MTARC2: variants seen among roughly 807,000 people sequenced by gnomAD.
MTARC2 encodes mitochondrial amidoxime reducing component 2, also known as MOCO sulphurase C-terminal domain containing 2.
MTARC2 carries 27 observed loss-of-function variants against 35.6 expected under a neutral mutation model. The ratio of observed to expected loss-of-function variants is 0.76; its 90% CI spans 0.56 to 1.04. The LOEUF (loss-of-function observed/expected upper bound fraction) is 1.04, where lower values mean the gene tolerates loss of function less well. MTARC2 is among the 50% of genes least tolerant of loss of function. MTARC2 has a pLI of 0.00. For missense variants in MTARC2, 412 were observed against 432.5 expected (o/e 0.95, Z 0.42); for synonymous variants, 158 against 167.1 (o/e 0.95, Z 0.42).
chr1:220,782,124 C>A (rs1558078203), intron 7 of MTARC2, among the ~76,000 whole-genome samples, 192 bp downstream of exon 7: 2 of 152,172 alleles, frequency 1.3e-5, no homozygotes, highest in African/African-American at 2.4e-5. Flanking sequence ...CCTCAGCCTT[C>A]TCCACCCCTA....
intron 1 of MTARC2, among the ~76,000 whole-genome samples, chr1:220,749,051 G>C (rs1340602268): frequency 6.6e-6 from 1 of 152,170 alleles, no homozygotes; most frequent in Non-Finnish European, 1.5e-5. Context: ...TAACAGGAGG[G>C]GGTCTGACCT....
intron 1 of MTARC2, among the ~76,000 whole-genome samples, chr1:220,751,432 T>G (rs1671122231): frequency 6.6e-6 from 1 of 152,140 alleles, no homozygotes; most frequent in African/African-American, 2.4e-5. Flanking sequence ...CAGTTTTATC[T>G]CTCTAAACCC....
chr1:220,767,821 C>T (rs748223668), intron 4 of MTARC2, among the ~76,000 whole-genome samples: 3 of 152,218 alleles, frequency 2.0e-5, no homozygotes, highest in Non-Finnish European at 4.4e-5. Context: ...TGTGGTTGGA[C>T]TCTGAGCCTC....
chr1:220,748,806 A>T lies in MTARC2; in HGVS notation c.272+3A>T. The T allele has an allele frequency of 6.3e-7, 1 of 1,583,132 alleles. No homozygotes were observed. The highest frequency in any genetic ancestry group is 8.6e-7 in the Non-Finnish European group (1 of 1,165,986). ...CGCAGCGGCAACCTGCGGGACAGGT[A>T]CAGCACAGCGCGGGCGCGGGGCAGC... On this transcript the variant is annotated splice_donor_region_variant and intron_variant, in intron 1 of 7. Transcript: ENST00000366913.
At position 220,780,149 on chromosome 1, in the gene MTARC2, C is replaced by A; in HGVS notation, c.813-19C>A. On this transcript the variant is annotated intron_variant, in intron 5 of 7. Coordinates refer to ENST00000366913, the MANE Select transcript of MTARC2 (RefSeq NM_017898.5). ...ATTGGTTCCTAAGCATCACCTAACC[C>A]TTGGTTACTGCATAACAGGTGTATT... 6.2e-7 allele frequency: 1 copy of A among 1,611,268 alleles called. No homozygotes were observed. Among genetic ancestry groups the A allele is most frequent in the Non-Finnish European group, 8.5e-7 (1 of 1,178,834 alleles).
intron 4 of MTARC2, among the ~76,000 whole-genome samples, chr1:220,779,685 G>A (rs940918825): frequency 6.6e-6 from 1 of 152,202 alleles, no homozygotes; most frequent in Non-Finnish European, 1.5e-5. Context: ...CAAGGGAAGT[G>A]TGGGTTTGTC....
chr1:220,777,472 G>A (rs1380897507), intron 4 of MTARC2, among the ~76,000 whole-genome samples: 1 of 152,208 alleles, frequency 6.6e-6, no homozygotes, highest in African/African-American at 2.4e-5. Flanking sequence ...CTCCTGCAGA[G>A]ACTTCAGACC....
intron 1 of MTARC2, among the ~76,000 whole-genome samples, chr1:220,749,972 A>G (rs1214866912): frequency 6.6e-6 from 1 of 152,166 alleles, no homozygotes; most frequent in African/African-American, 2.4e-5. Flanking sequence ...CACAGACCAT[A>G]TGAATCATGG....
chr1:220,770,489 C>T, intron 4 of MTARC2: 3 of 985,450 alleles, frequency 3.0e-6, no homozygotes, highest in Non-Finnish European at 2.4e-6. Context: ...AGGTCATTCA[C>T]TTTACAATGC....
At chr1:220,753,234 A>C (rs1448664130) in intron 1 of MTARC2, among the ~76,000 whole-genome samples, 3 of 152,030 alleles carry the variant, frequency 2.0e-5, no homozygotes, top group Non-Finnish European at 2.9e-5. Context: ...TCTCAGAAAA[A>C]AAGAAAAAAA....
At chr1:220,770,203 A>G (rs1271338276) in intron 4 of MTARC2, among the ~76,000 whole-genome samples, 3 of 152,222 alleles carry the variant, frequency 2.0e-5, no homozygotes, top group Admixed American at 1.3e-4. Flanking sequence ...TTTAATCTTA[A>G]CAGTCACTTA....
At chr1:220,765,788 C>T (rs537898836) in intron 4 of MTARC2, among the ~76,000 whole-genome samples, 2 of 152,264 alleles carry the variant, frequency 1.3e-5, no homozygotes, top group Non-Finnish European at 2.9e-5. Context: ...CCCTATGTTG[C>T]CCAGGCTGGT....
At position 220,754,971 on chromosome 1, in the gene MTARC2, T is replaced by C. The variant is rs12044903; in HGVS notation, c.297T>C (p.Asp99=). 7.1e-3 allele frequency: 11,355 copies of C among 1,600,572 alleles called. 177 individuals carry two copies. Among genetic ancestry groups the C allele is most frequent in the East Asian group, 0.059 (2,604 of 44,384 alleles). ...RDRFWLVIKE[D]GHMVTARQEP... is the part of the protein sequence containing the mutation. ...GGTTTTGGCTGGTGATTAAGGAAGA[T>C]GGACACATGGTCACTGCCCGACAGG... Residue 99 remains aspartate (D), a synonymous_variant, in exon 2 of 8, where the codon GAT becomes GAC. Transcript: ENST00000366913.
chr1:220,782,031 A>G (rs977903322), intron 7 of MTARC2, 99 bp downstream of exon 7: 7 of 1,037,204 alleles, frequency 6.7e-6, no homozygotes, highest in Non-Finnish European at 2.7e-6. Flanking sequence ...AATTCTTGAG[A>G]GAATGAACAG....
At chr1:220,762,012 T>C (rs755204260) in intron 3 of MTARC2, among the ~76,000 whole-genome samples, 192 bp downstream of exon 3, 1 of 152,010 alleles carries the variant, frequency 6.6e-6, no homozygotes, top group Non-Finnish European at 1.5e-5. Flanking sequence ...ATGAGAGGTG[T>C]CTCAAAAGTG....
chr1:220,775,079 C>T (rs933888425), intron 4 of MTARC2, among the ~76,000 whole-genome samples: 1 of 152,098 alleles, frequency 6.6e-6, no homozygotes, highest in Non-Finnish European at 1.5e-5. Context: ...TTTTGCTTGG[C>T]AAATGCCTAC....
At chr1:220,773,348 A>G (rs188520976) in intron 4 of MTARC2, among the ~76,000 whole-genome samples, 1 of 152,244 alleles carries the variant, frequency 6.6e-6, no homozygotes, top group African/African-American at 2.4e-5. Flanking sequence ...AGGGCATGAA[A>G]ACTCGGAGAG....
intron 4 of MTARC2, among the ~76,000 whole-genome samples, chr1:220,766,029 T>C (rs1282857055): frequency 6.6e-6 from 1 of 151,624 alleles, no homozygotes; most frequent in Non-Finnish European, 1.5e-5. Context: ...GCTAGGAGAG[T>C]GCAGGGACCA....
At chr1:220,760,892 C>G (rs947878032) in intron 2 of MTARC2, among the ~76,000 whole-genome samples, 1 of 152,102 alleles carries the variant, frequency 6.6e-6, no homozygotes, top group Non-Finnish European at 1.5e-5. Flanking sequence ...GGATATCAAA[C>G]CAACATGGCA....
Sources: allele counts gnomAD v4.1 joint callset (sites outside exome capture counted in the v4.1 genomes callset), GRCh38; gene constraint gnomAD v4.1.1; transcripts MANE v1.5; gene names NCBI Gene and HGNC (gene_info 2026-07-23, HGNC 2026-07-21).